The following MAST1 variants were observed in gnomAD, a reference collection of about 807,000 sequenced individuals.
MAST1 encodes the protein microtubule associated serine/threonine kinase 1.
In MAST1, 40 loss-of-function variants were observed where a neutral mutation model predicts 124.6. The ratio of observed to expected loss-of-function variants is 0.32; its 90% CI spans 0.25 to 0.42. The LOEUF is 0.42. Ranked by LOEUF, MAST1 falls within the 10% of genes least tolerant of loss-of-function variation. MAST1 has a pLI of 1.00. For synonymous variants in MAST1, 938 were observed against 939.4 expected, an observed-to-expected ratio of 1.00 and a Z score of 0.03; for missense variants, 1,558 against 2,181.9, an observed-to-expected ratio of 0.71 and a Z score of 5.70.
At chr19:12,863,083 G>T (rs912331287) in intron 12 of MAST1, among the ~76,000 whole-genome samples, 4 of 147,604 alleles carry the variant, frequency 2.7e-5, no homozygotes, top group African/African-American at 1.0e-4. Flanking sequence ...CGGGGGCGGT[G>T]AGTGGGCAGA....
At chr19:12,851,774 C>G (rs1194994553) in intron 7 of MAST1, among the ~76,000 whole-genome samples, 160 bp from the exon 8 acceptor site, 1 of 152,200 alleles carries the variant, frequency 6.6e-6, no homozygotes, top group Non-Finnish European at 1.5e-5. Flanking sequence ...GCATGAGCCA[C>G]CGTGCCCAGC....
In MAST1 at chr19:12,874,625, A is replaced by G. The variant is rs562082407; in HGVS notation, c.4468A>G (p.Thr1490Ala). Residue 1490 changes from threonine to alanine, a missense_variant, in exon 26 of 26, where the codon ACG becomes GCG. By Grantham distance (58) the Thr-to-Ala change is moderately conservative (BLOSUM62 0). Transcript: ENST00000251472. This position sits in a 1 kb window ranked among gnomAD's most constrained non-coding sequence, Gnocchi z 6.6. ...WVLEVVEERT[T>A]LSGPRSKPAS... ...GTTGGAGGTGGTGGAGGAGCGCACC[A>G]CGCTGAGCGGTCCTCGCTCCAAGCC... 6.6e-7 allele frequency: 1 copy of G among 1,518,654 alleles called. No homozygotes were observed. Among genetic ancestry groups the G allele is most frequent in the African/African-American group, 1.4e-5 (1 of 72,118 alleles). 94.1% of individuals were successfully genotyped at this position (1,518,654 alleles called of 1,614,324 possible).
Position 12,873,529 on chromosome 19 carries a change from T to C in MAST1, c.3451+18T>C. On this transcript the variant is annotated intron_variant, in intron 25 of 25. Coordinates refer to ENST00000251472, the MANE Select transcript of MAST1 (RefSeq NM_014975.3). ...CTACCTAGGTATTACCTCCTGCACC[T>C]GCGCGGGGACCGAGCAGCGCGGGGT... 1 of 1,594,884 alleles carries C rather than the reference T, an allele frequency of 6.3e-7. No individual in the cohort carries two copies. The highest frequency in any genetic ancestry group is 1.1e-5 in the South Asian group (1 of 90,682).
chr19:12,852,150 G>A lies in MAST1; in HGVS notation c.912G>A (p.Glu304=). The A allele has an allele frequency of 6.2e-7, 1 of 1,613,992 alleles. No homozygotes were observed. Among genetic ancestry groups the A allele is most frequent in the Non-Finnish European group, 8.5e-7 (1 of 1,179,992 alleles). ...FNPEEFYHLL[E]AAEGHAKEGH... The stretch of plus-strand genomic sequence containing the variant: ...CCGAGGAGTTCTACCACCTGCTGGA[G>A]GCGGCCGAAGGACACGCCAAGGAGG... Residue 304 remains glutamate, a synonymous_variant, in exon 9 of 26, where the codon GAG becomes GAA. Coordinates refer to ENST00000251472, the MANE Select transcript of MAST1 (RefSeq NM_014975.3).
chr19:12,851,659 C>T (rs974547891), intron 7 of MAST1, among the ~76,000 whole-genome samples: 7 of 152,018 alleles, frequency 4.6e-5, no homozygotes, highest in South Asian at 4.2e-4. Flanking sequence ...GCTCATTTTG[C>T]GTTTTTAGTG....
chr19:12,852,021 C>T lies in MAST1; in HGVS notation c.862C>T (p.Leu288=), dbSNP rs1969966218. The change falls in exon 8 of 26, where the codon CTG becomes TTG. Residue 288 remains leucine, a synonymous_variant. Transcript: ENST00000251472. ...LLIIISRPAR[L]LECLEFNPEE... ...TATTATCATCTCACGCCCTGCGAGG[C>T]TGCTGGAGTGCCTGGTGAGGGGGCT... 1.9e-6 allele frequency: 3 copies of T among 1,614,090 alleles called. No homozygotes were observed. The highest frequency in any genetic ancestry group is 2.5e-6 in the Non-Finnish European group (3 of 1,180,024).
chr19:12,868,126 T>TTTTTTTTTTTTTTTTTTTTTTTTTA (rs1491136033), intron 20 of MAST1, 149 bp downstream of exon 20: 1 of 637,026 alleles, frequency 1.6e-6, no homozygotes, highest in Admixed American at 4.4e-5. Flanking sequence ...TTTTTTTTTT[T>TTTTTTTTTTTTTTTTTTTTTTTTTA]GAGACAGAGT....
rs774781288 is a variant in MAST1 at position 12,865,695 on chromosome 19, T to C, written c.1805-22T>C. 1 of 1,591,534 alleles carries C rather than the reference T, an allele frequency of 6.3e-7. No homozygotes were observed. The highest frequency in any genetic ancestry group is 2.2e-5 in the East Asian group (1 of 44,638). ...CAACAACAACAACAAAAACCGCCCC[T>C]AAGTTCCGTTTTGTTTTGCAGATGA... On this transcript the variant is annotated intron_variant, in intron 15 of 25. Coordinates refer to ENST00000251472, the MANE Select transcript of MAST1 (RefSeq NM_014975.3). The surrounding 1 kb of genome is among the most constrained non-coding windows in gnomAD (Gnocchi z 7.1).
rs755668384 is a variant in MAST1, at chr19:12,868,655, G to A, written c.2579G>A (p.Arg860His). The change falls in exon 21 of 26, where the codon CGC (arginine) becomes CAC (histidine). Residue 860 changes from arginine (R) to histidine (H), a missense_variant. Transcript: ENST00000251472. Reference sequence around the variant, plus strand: ...CTTTCTGTTGCAGCTGACCGTCCACGCCCAGGTGACCTCTGCCCACCCTCG... The same window carrying A: ...CTTTCTGTTGCAGCTGACCGTCCACACCCAGGTGACCTCTGCCCACCCTCG... ...AGDSEATDRP[R>H]PGDLCPPSKD... 4.4e-6 allele frequency: 7 copies of A among 1,595,394 alleles called. No individual in the cohort carries two copies. The Admixed American group carries it at 5.2e-5, about 12-fold the overall frequency.
intron 4 of MAST1, among the ~76,000 whole-genome samples, chr19:12,845,611 G>A (rs1170466273): frequency 6.7e-6 from 1 of 149,568 alleles, no homozygotes; most frequent in Non-Finnish European, 1.5e-5. Context: ...AATAAAGCAA[G>A]AGGAGAGCCA....
Position 12,852,173 on chromosome 19 carries a change from A to C in MAST1, c.935A>C (p.Glu312Ala). The C allele has an allele frequency of 6.2e-7, 1 of 1,614,038 alleles. No individual in the cohort carries two copies. Among genetic ancestry groups the C allele is most frequent in the Non-Finnish European group, 8.5e-7 (1 of 1,180,006 alleles). Residue 312 changes from glutamate to alanine, a missense_variant, in exon 9 of 26, where the codon GAG (glutamate) becomes GCG (alanine). Glu to Ala is a moderately radical substitution (Grantham distance 107). Transcript: ENST00000251472. ...GAGGCGGCCGAAGGACACGCCAAGG[A>C]GGGCCACCTTGTGAAGACGGACATC... is the stretch of plus-strand genomic sequence containing the variant. ...LLEAAEGHAK[E>A]GHLVKTDIPR...
chr19:12,840,408 C>A, intron 1 of MAST1, 38 bp from the exon 2 acceptor site: 2 of 1,380,920 alleles, frequency 1.4e-6, no homozygotes, highest in Non-Finnish European at 2.0e-6. Context: ...CACTGGGCTG[C>A]GGCCCGGCCC....
chr19:12,847,435 G>A lies in MAST1; in HGVS notation c.473G>A (p.Arg158His), dbSNP rs764557095. 1 of 1,613,514 alleles carries A rather than the reference G, an allele frequency of 6.2e-7. No homozygotes were observed. The highest frequency in any genetic ancestry group is 2.2e-5 in the East Asian group (1 of 44,852). Residue 158 changes from arginine (R) to histidine (H), a missense_variant, in exon 5 of 26, where the codon CGC becomes CAC. By Grantham distance (29) the Arg-to-His change is conservative. Around this residue, in one of 10 missense-constraint regions of MAST1, gnomAD observed 165 missense variants for 315.3 expected, o/e 0.52. Coordinates refer to ENST00000251472, the MANE Select transcript of MAST1 (RefSeq NM_014975.3). This position sits in a 1 kb window ranked among gnomAD's most constrained non-coding sequence, Gnocchi z 5.5. ...CGTCGCTCCCCAGCCGTGCGGCCCCGCTCACGGAGCCTCAGGTGGGCAGGC... is the reference window on the plus strand; with the variant it reads ...CGTCGCTCCCCAGCCGTGCGGCCCCACTCACGGAGCCTCAGGTGGGCAGGC... ...GGRRSPAVRP[R>H]SRSLSPGRSP...
intron 1 of MAST1, 96 bp from the exon 2 acceptor site, chr19:12,840,350 A>T (rs908494545): frequency 1.3e-6 from 1 of 770,398 alleles, no homozygotes; most frequent in East Asian, 2.6e-5. Flanking sequence ...TGGATGGGAG[A>T]TAGGCGGGGA....
In MAST1 at chr19:12,840,973, C is replaced by T; in HGVS notation, c.173-18C>T. 4 of 955,438 alleles carry T rather than the reference C, an allele frequency of 4.2e-6. No individual in the cohort carries two copies. The highest frequency in any genetic ancestry group is 1.3e-5 in the South Asian group (1 of 78,124). 59.2% of individuals were successfully genotyped at this position (955,438 alleles called of 1,614,324 possible). The stretch of plus-strand genomic sequence containing the variant: ...GAACGAGAGACCTGACAGGATTTGC[C>T]CCCTCTTTCTCTCATAGGCAGCAGT... On this transcript the variant is annotated intron_variant, in intron 2 of 25. Transcript: ENST00000251472.
In MAST1 at chr19:12,844,719, TGGG is replaced by T. The variant is rs1433097692; in HGVS notation, c.327+1114_327+1116del. 5.3e-5 allele frequency among the ~76,000 whole-genome samples: 8 copies of T among 152,052 alleles called. 1 individual carries two copies. The highest frequency in any genetic ancestry group is 1.9e-4 in the African/African-American group (8 of 41,392). ...ATTTGAAAAGTTGAAAGTAGCTTTG[TGGG>T]GCTGAAAATTTGGGATGCGGGGGAG... On this transcript the variant is annotated intron_variant, in intron 4 of 25. Coordinates refer to ENST00000251472, the MANE Select transcript of MAST1 (RefSeq NM_014975.3).
At position 12,847,235 on chromosome 19, in the gene MAST1, T is replaced by G; in HGVS notation, c.328-55T>G. The G allele has an allele frequency of 5.5e-6, 7 of 1,267,456 alleles. No homozygotes were observed. The highest frequency in any genetic ancestry group is 7.9e-6 in the Non-Finnish European group (7 of 882,614). 78.5% of individuals were successfully genotyped at this position (1,267,456 alleles called of 1,614,324 possible). ...CTTTGGGAGTCCCAGCTCAGGGTCCTGAGCTGTTGGGGGGCCCATGGTGGC... is the reference window on the plus strand; with the variant it reads ...CTTTGGGAGTCCCAGCTCAGGGTCCGGAGCTGTTGGGGGGCCCATGGTGGC... On this transcript the variant is annotated intron_variant, in intron 4 of 25. Coordinates refer to ENST00000251472, the MANE Select transcript of MAST1 (RefSeq NM_014975.3). The surrounding 1 kb of genome is among the most constrained non-coding windows in gnomAD (Gnocchi z 5.5).
At chr19:12,872,651 G>A (rs1202210748) in intron 24 of MAST1, 1 of 152,536 alleles carries the variant, frequency 6.6e-6, no homozygotes, top group Non-Finnish European at 1.5e-5. Context: ...CCAGCACTTT[G>A]GGAGGCCGAG....
rs535743555 is a variant in MAST1 at position 12,865,690 on chromosome 19, G to T, written c.1805-27G>T. ...CCAAACAACAACAACAACAAAAACC[G>T]CCCCTAAGTTCCGTTTTGTTTTGCA... On this transcript the variant is annotated intron_variant, in intron 15 of 25. Coordinates refer to ENST00000251472, the MANE Select transcript of MAST1 (RefSeq NM_014975.3). This position sits in a 1 kb window ranked among gnomAD's most constrained non-coding sequence, Gnocchi z 7.1. The T allele has an allele frequency of 2.5e-6, 4 of 1,576,156 alleles. No individual in the cohort carries two copies. The highest frequency in any genetic ancestry group is 3.5e-6 in the Non-Finnish European group (4 of 1,153,972).
Sources: allele counts gnomAD v4.1 joint callset (sites outside exome capture counted in the v4.1 genomes callset), GRCh38; gene constraint gnomAD v4.1.1; regional missense constraint gnomAD v4.1.1; non-coding constraint Gnocchi (gnomAD v3.1); transcripts MANE v1.5; gene names NCBI Gene and HGNC (gene_info 2026-07-23, HGNC 2026-07-21).